BAZ1B: variants seen among roughly 807,000 people sequenced by gnomAD.
The protein encoded by BAZ1B is tyrosine-protein kinase BAZ1B.
Under a neutral mutation model 153.8 loss-of-function variants are expected in BAZ1B, and 22 were observed. That is an observed-to-expected ratio of 0.14 (90% CI 0.10 to 0.20). The LOEUF (loss-of-function observed/expected upper bound fraction) is 0.20, where lower values mean the gene tolerates loss of function less well. Ranked by LOEUF, BAZ1B falls within the 10% of genes least tolerant of loss-of-function variation. The pLI is 1.00. For synonymous variants in BAZ1B, 676 were observed against 633.4 expected (o/e 1.07, Z -1.01); for missense variants, 1,325 against 1,799.3 (o/e 0.74, Z 4.77).
chr7:73,499,865 G>A (rs1554576895), intron 3 of BAZ1B, among the ~76,000 whole-genome samples: 3 of 152,040 alleles, frequency 2.0e-5, no homozygotes. Flanking sequence ...TTTGACTTAT[G>A]TTAACATGGC....
At chr7:73,504,779 G>A (rs938111221) in intron 3 of BAZ1B, among the ~76,000 whole-genome samples, 28 of 152,092 alleles carry the variant, frequency 1.8e-4, no homozygotes, top group African/African-American at 6.3e-4. Context: ...AGTGAGCTAT[G>A]ATCACACCAC....
chr7:73,468,389 A>G (rs530140089), intron 9 of BAZ1B, among the ~76,000 whole-genome samples: 100 of 152,152 alleles, frequency 6.6e-4, no homozygotes, highest in Non-Finnish European at 1.1e-3. Context: ...ACAAAAAACT[A>G]TCTTCCTCAT....
chr7:73,445,731 G>A (rs1469907411), intron 16 of BAZ1B, among the ~76,000 whole-genome samples: 2 of 151,924 alleles, frequency 1.3e-5, no homozygotes, highest in Non-Finnish European at 1.5e-5. Context: ...ATGGTGGCAC[G>A]TGCCTGTAGT....
intron 6 of BAZ1B, among the ~76,000 whole-genome samples, chr7:73,481,410 G>A (rs1017680789): frequency 1.2e-4 from 18 of 151,458 alleles, no homozygotes; most frequent in East Asian, 2.0e-4. Flanking sequence ...CCAGCTACTC[G>A]GGAGGCTGAG....
chr7:73,457,099 T>C (rs1398239247), intron 13 of BAZ1B, among the ~76,000 whole-genome samples: 1 of 151,734 alleles, frequency 6.6e-6, no homozygotes, highest in Non-Finnish European at 1.5e-5. Context: ...TGAATTACCA[T>C]ATGATGCAGC....
intron 15 of BAZ1B, among the ~76,000 whole-genome samples, chr7:73,448,936 G>A (rs1296833702): frequency 2.6e-5 from 4 of 152,194 alleles, no homozygotes; most frequent in Admixed American, 2.0e-4. Flanking sequence ...GATAAGAGGG[G>A]AGAAGACGTG....
intron 4 of BAZ1B, among the ~76,000 whole-genome samples, chr7:73,497,121 C>T (rs1188786121): frequency 6.9e-6 from 1 of 144,288 alleles, no homozygotes; most frequent in African/African-American, 2.7e-5. Context: ...TGCATGCCTA[C>T]GGTCCCAGCT....
chr7:73,480,590 T>C (rs1370414008), intron 6 of BAZ1B, among the ~76,000 whole-genome samples: 1 of 152,232 alleles, frequency 6.6e-6, no homozygotes, highest in Non-Finnish European at 1.5e-5. Flanking sequence ...TCTAGAATAC[T>C]TGATTTTTAT....
chr7:73,468,711 A>G (rs782155332), intron 9 of BAZ1B, among the ~76,000 whole-genome samples: 10 of 152,160 alleles, frequency 6.6e-5, no homozygotes, highest in Non-Finnish European at 1.2e-4. Flanking sequence ...GGTATTTGCC[A>G]TGTTTCTCCT....
chr7:73,492,405 G>A (rs561286258), intron 5 of BAZ1B, among the ~76,000 whole-genome samples: 3 of 151,676 alleles, frequency 2.0e-5, no homozygotes, highest in Non-Finnish European at 4.4e-5. Context: ...CTCATGATCC[G>A]CCCACCTCGG....
intron 3 of BAZ1B, among the ~76,000 whole-genome samples, chr7:73,504,964 G>T (rs113750261): frequency 6.6e-6 from 1 of 152,324 alleles, no homozygotes; most frequent in East Asian, 1.9e-4. Context: ...TGAAACCAGA[G>T]AGACAGGTGT....
intron 4 of BAZ1B, among the ~76,000 whole-genome samples, chr7:73,497,123 G>C (rs1200446054): frequency 6.6e-6 from 1 of 150,504 alleles, no homozygotes; most frequent in African/African-American, 2.5e-5. Context: ...CATGCCTACG[G>C]TCCCAGCTAC....
intron 9 of BAZ1B, among the ~76,000 whole-genome samples, chr7:73,468,702 G>T (rs1583905131): frequency 6.6e-6 from 1 of 151,976 alleles, no homozygotes; most frequent in South Asian, 2.1e-4. Context: ...TTTTCGTTAG[G>T]TATTTGCCAT....
chr7:73,512,721 A>G (rs1295449322), intron 1 of BAZ1B, among the ~76,000 whole-genome samples: 1 of 152,264 alleles, frequency 6.6e-6, no homozygotes, highest in African/African-American at 2.4e-5. Flanking sequence ...ATAAGTAGAA[A>G]GTTAGTGAAC....
At chr7:73,478,815 T>C (rs1049691547) in intron 6 of BAZ1B, among the ~76,000 whole-genome samples, 1 of 152,228 alleles carries the variant, frequency 6.6e-6, no homozygotes, top group Non-Finnish European at 1.5e-5. Context: ...TAACTAGTTC[T>C]GTTTATGTAT....
chr7:73,449,523 TAAAAG>T lies in BAZ1B; in HGVS notation c.3728+14_3728+18del. 1.3e-6 allele frequency: 2 copies of T among 1,597,468 alleles called. No homozygotes were observed. The highest frequency in any genetic ancestry group is 1.7e-6 in the Non-Finnish European group (2 of 1,174,272). On this transcript the variant is annotated intron_variant, in intron 15 of 19. Coordinates refer to ENST00000339594, the MANE Select transcript of BAZ1B (RefSeq NM_032408.4). Reference sequence around the variant, plus strand: ...TCATATTTATTCATTCAATTATTTTTAAAAGAAAAGATTCTCACCTGCCACGGGAG... The same window carrying T: ...TCATATTTATTCATTCAATTATTTTTAAAAGATTCTCACCTGCCACGGGAG...
rs782556772 is a variant in BAZ1B at position 73,442,300 on chromosome 7, C to T, written c.4348G>A (p.Val1450Ile). The change falls in exon 19 of 20, where the codon GTC becomes ATC. Residue 1450 changes from valine (V) to isoleucine (I), a missense_variant. Around this residue, in one of 9 missense-constraint regions of BAZ1B, gnomAD observed 271 missense variants for 337.2 expected, o/e 0.80. Coordinates refer to ENST00000339594, the MANE Select transcript of BAZ1B (RefSeq NM_032408.4). ...GGAAACTTCTTGCGCTTCCTGCGGA[C>T]ATATGGGTGGCCAGGAAGGTGTTTA... ...LHKHLPGHPY[V>I]RRKRKKFPDR... 1.2e-6 allele frequency: 2 copies of T among 1,614,186 alleles called. No homozygotes were observed. The highest frequency in any genetic ancestry group is 1.7e-6 in the Non-Finnish European group (2 of 1,180,046).
intron 1 of BAZ1B, among the ~76,000 whole-genome samples, chr7:73,511,207 G>T (rs1473161020): frequency 1.3e-5 from 2 of 152,070 alleles, no homozygotes; most frequent in African/African-American, 4.8e-5. Flanking sequence ...GGCGGAGCTT[G>T]CAGTGAGCCA....
At chr7:73,466,744 T>C (rs116506816) in intron 9 of BAZ1B, among the ~76,000 whole-genome samples, 1,909 of 152,288 alleles carry the variant, frequency 0.013, 43 homozygotes, top group African/African-American at 0.044. Flanking sequence ...GCATCTGTAG[T>C]GAAGCAGAGG....
Sources: gnomAD v4.1 joint callset for allele counts (sites outside exome capture counted in the v4.1 genomes callset) on GRCh38, gnomAD v4.1.1 for gene constraint, gnomAD v4.1.1 regional missense constraint, MANE v1.5 for transcripts, NCBI Gene and HGNC (gene_info 2026-07-23, HGNC 2026-07-21) for gene names.